The following TRHDE variants were observed in gnomAD, a reference collection of about 807,000 sequenced individuals.
TRHDE encodes the protein thyrotropin releasing hormone degrading enzyme.
Under a neutral mutation model 125.7 loss-of-function variants are expected in TRHDE, and 72 were observed. The ratio of observed to expected loss-of-function variants is 0.57; its 90% confidence interval spans 0.47 to 0.70. The LOEUF (loss-of-function observed/expected upper bound fraction) is 0.70, where lower values mean the gene tolerates loss of function less well. Ranked by LOEUF, TRHDE falls within the 30% of genes least tolerant of loss-of-function variation. The probability of loss-of-function intolerance (pLI) is 0.00; values close to 1 mark genes in which losing one functional copy is unlikely to be tolerated. For missense variants in TRHDE, 1,110 were observed against 1,327.1 expected, an observed-to-expected ratio of 0.84 and a Z score of 2.54; for synonymous variants, 509 against 509.1, an observed-to-expected ratio of 1.00 and a Z score of 0.00.
intron 2 of TRHDE, among the ~76,000 whole-genome samples, chr12:72,173,548 C>T (rs189146495): frequency 1.0e-3 from 153 of 152,298 alleles, no homozygotes; most frequent in Non-Finnish European, 1.5e-3. Flanking sequence ...TTATCCCACC[C>T]GCATTGTTCC....
At chr12:72,107,957 A>G (rs1875226296) in intron 2 of TRHDE, among the ~76,000 whole-genome samples, 1 of 152,080 alleles carries the variant, frequency 6.6e-6, no homozygotes, top group East Asian at 1.9e-4. Flanking sequence ...CCAACTAATG[A>G]TGTGACCTTT....
chr12:72,309,936 A>G (rs1471855913), intron 2 of TRHDE, among the ~76,000 whole-genome samples: 1 of 152,150 alleles, frequency 6.6e-6, no homozygotes, highest in African/African-American at 2.4e-5. Flanking sequence ...TTAGATCTGA[A>G]GCCCTATTTA....
chr12:72,163,015 G>A (rs1030946993), intron 2 of TRHDE: 2 of 151,222 alleles, frequency 1.3e-5, no homozygotes, highest in Non-Finnish European at 2.9e-5. Flanking sequence ...TTCTACAACT[G>A]TTCTCGAAAA....
At chr12:72,633,089 T>G (rs898631903) in intron 15 of TRHDE, among the ~76,000 whole-genome samples, 2 of 152,020 alleles carry the variant, frequency 1.3e-5, no homozygotes, top group African/African-American at 2.4e-5. Flanking sequence ...ACTTAAACCT[T>G]TAAAAAGTAA....
intron 2 of TRHDE, among the ~76,000 whole-genome samples, chr12:72,147,189 GGGCTGCGAGTATTCAT>G (rs1876249057): frequency 6.6e-6 from 1 of 152,146 alleles, no homozygotes; most frequent in Admixed American, 6.5e-5. Flanking sequence ...TTCTCATTTA[GGGCTGCGAGTATTCAT>G]GCTTGAGGGT....
At chr12:72,216,969 T>A (rs1014600982) in intron 2 of TRHDE, among the ~76,000 whole-genome samples, 234 of 10,904 alleles carry the variant, frequency 0.021, no homozygotes, top group Non-Finnish European at 0.037. Flanking sequence ...GTAATGCTAG[T>A]TTTTTTTTTT....
intron 3 of TRHDE, among the ~76,000 whole-genome samples, chr12:72,441,488 C>A (rs1875008933): frequency 1.3e-5 from 2 of 151,800 alleles, no homozygotes; most frequent in Non-Finnish European, 2.9e-5. Context: ...TGACATCAAG[C>A]TGGACAGGCG....
At chr12:72,203,673 AACTT>A in intron 2 of TRHDE, among the ~76,000 whole-genome samples, 1 of 152,134 alleles carries the variant, frequency 6.6e-6, no homozygotes, top group Admixed American at 6.5e-5. Context: ...ATTTCTAATA[AACTT>A]TCTTAGTTGT....
intron 3 of TRHDE, among the ~76,000 whole-genome samples, chr12:72,383,847 G>T (rs990998662): frequency 2.6e-5 from 4 of 151,498 alleles, no homozygotes; most frequent in African/African-American, 9.7e-5. Context: ...CCAAAATCTT[G>T]GGATTCGGCT....
At chr12:72,233,695 A>G (rs1878289210) in intron 2 of TRHDE, among the ~76,000 whole-genome samples, 2 of 152,206 alleles carry the variant, frequency 1.3e-5, no homozygotes, top group South Asian at 2.1e-4. Context: ...AAACCTCAGC[A>G]TAAAATGTTA....
intron 3 of TRHDE, among the ~76,000 whole-genome samples, chr12:72,425,355 T>C (rs1237304574): frequency 6.6e-6 from 1 of 152,120 alleles, no homozygotes; most frequent in Non-Finnish European, 1.5e-5. Flanking sequence ...GTCTTTATTT[T>C]TGTCTGATTG....
chr12:72,279,398 C>T (rs1879612413), intron 1 of TRHDE, among the ~76,000 whole-genome samples: 1 of 152,098 alleles, frequency 6.6e-6, no homozygotes, highest in South Asian at 2.1e-4. Context: ...TTCATCATCA[C>T]CATCATCATC....
chr12:72,293,787 T>C (rs2139437613), intron 2 of TRHDE, among the ~76,000 whole-genome samples: 1 of 152,314 alleles, frequency 6.6e-6, no homozygotes, highest in East Asian at 1.9e-4. Flanking sequence ...TGAGTTTTGC[T>C]TGTGCCAGCT....
At chr12:72,311,592 A>C (rs774363204) in intron 2 of TRHDE, among the ~76,000 whole-genome samples, 1 of 152,204 alleles carries the variant, frequency 6.6e-6, no homozygotes, top group Non-Finnish European at 1.5e-5. Flanking sequence ...CTTTAATGGG[A>C]TACTAACTAA....
At position 72,531,537 on chromosome 12, in the gene TRHDE, C is replaced by A. The variant is rs977044255; in HGVS notation, c.1723-10754C>A. On this transcript the variant is annotated intron_variant, in intron 6 of 18. Coordinates refer to ENST00000261180, the MANE Select transcript of TRHDE (RefSeq NM_013381.3). The stretch of plus-strand genomic sequence containing the variant: ...TTTTGCTTAAGTATCCTCCTTTATC[C>A]CAAATTCATAAAGATGTGCTTTTTT... 3.3e-5 allele frequency among the ~76,000 whole-genome samples: 5 copies of A among 151,928 alleles called. No individual in the cohort carries two copies. In the East Asian group the frequency reaches 9.7e-4, roughly 29 times the overall value.
At chr12:72,485,325 C>A (rs573577039) in intron 5 of TRHDE, among the ~76,000 whole-genome samples, 2 of 152,258 alleles carry the variant, frequency 1.3e-5, no homozygotes, top group Non-Finnish European at 2.9e-5. Context: ...ACTTTGCTGC[C>A]CCTGCAATAT....
At chr12:72,306,250 A>G (rs549397230) in intron 2 of TRHDE, among the ~76,000 whole-genome samples, 1 of 152,240 alleles carries the variant, frequency 6.6e-6, no homozygotes, top group Admixed American at 6.5e-5. Context: ...GTATTCACTG[A>G]AAACAAACTA....
chr12:72,597,729 A>ATGTATG, intron 12 of TRHDE, among the ~76,000 whole-genome samples: 1 of 7,516 alleles, frequency 1.3e-4, no homozygotes, highest in East Asian at 0.013. Context: ...ATATATATAT[A>ATGTATG]TATATATATA....
rs114799385 is a variant in TRHDE, at chr12:72,606,408, G to A, written c.2322-12483G>A. Among the ~76,000 whole-genome samples the A allele has an allele frequency of 2.3e-4, 35 of 152,238 alleles. No individual in the cohort carries two copies. The East Asian group carries it at 6.2e-3, about 27-fold the overall frequency. On this transcript the variant is annotated intron_variant, in intron 12 of 18. Coordinates refer to ENST00000261180, the MANE Select transcript of TRHDE (RefSeq NM_013381.3). ...AGGTCAGAATATAGATGCATGGCAC[G>A]TGATGCTGAATTCTAGTTCTGGTTC...
Sources: gnomAD v4.1 joint callset for allele counts (sites outside exome capture counted in the v4.1 genomes callset) on GRCh38, gnomAD v4.1.1 for gene constraint, MANE v1.5 for transcripts, NCBI Gene and HGNC (gene_info 2026-07-23, HGNC 2026-07-21) for gene names.